The following PARVA variants were observed in gnomAD, a reference collection of about 807,000 sequenced individuals.
PARVA encodes the protein parvin alpha.
Under a neutral mutation model 52.6 loss-of-function variants are expected in PARVA, and 25 were observed. The ratio of observed to expected loss-of-function variants is 0.48; its 90% confidence interval spans 0.35 to 0.66. The LOEUF (loss-of-function observed/expected upper bound fraction) is 0.66, where lower values mean the gene tolerates loss of function less well. PARVA is among the 30% of genes least tolerant of loss of function. The pLI, the probability that PARVA is intolerant of heterozygous loss-of-function variation, is 0.01. For missense variants in PARVA, 373 were observed against 450.9 expected (o/e 0.83, Z 1.56); for synonymous variants, 185 against 179.1 (o/e 1.03, Z -0.26).
At chr11:12,468,982 T>A (rs139015779) in intron 1 of PARVA, among the ~76,000 whole-genome samples, 1 of 152,288 alleles carries the variant, frequency 6.6e-6, no homozygotes, top group African/African-American at 2.4e-5. Context: ...TCATCATGAT[T>A]CGTTTAAACC....
intron 1 of PARVA, among the ~76,000 whole-genome samples, chr11:12,400,423 G>T (rs940320175): frequency 1.3e-5 from 2 of 152,128 alleles, no homozygotes; most frequent in Non-Finnish European, 2.9e-5. Flanking sequence ...AGATTGGAGG[G>T]CAAGTCAATG....
At chr11:12,459,096 C>T (rs545944121) in intron 1 of PARVA, among the ~76,000 whole-genome samples, 7 of 152,256 alleles carry the variant, frequency 4.6e-5, no homozygotes, top group Admixed American at 2.0e-4. Context: ...TGAAGTTTTC[C>T]GGATGTTGGC....
intron 4 of PARVA, among the ~76,000 whole-genome samples, chr11:12,490,133 G>A (rs369068679): frequency 3.7e-4 from 56 of 150,720 alleles, no homozygotes; most frequent in Middle Eastern, 3.5e-3. Flanking sequence ...GGAGAATGGC[G>A]TGAACCAGGG....
chr11:12,463,948 C>T (rs1220819832), intron 1 of PARVA, among the ~76,000 whole-genome samples: 1 of 148,748 alleles, frequency 6.7e-6, no homozygotes, highest in African/African-American at 2.5e-5. Context: ...CTCTTTCAAT[C>T]AGCTCCTGTG....
intron 1 of PARVA, among the ~76,000 whole-genome samples, chr11:12,445,236 A>C (rs1940528398): frequency 6.6e-6 from 1 of 152,188 alleles, no homozygotes; most frequent in South Asian, 2.1e-4. Context: ...TGGGCTAAGT[A>C]TACTCTATCC....
chr11:12,460,346 C>T (rs1341163593), intron 1 of PARVA, among the ~76,000 whole-genome samples: 1 of 152,074 alleles, frequency 6.6e-6, no homozygotes, highest in Non-Finnish European at 1.5e-5. Context: ...CCTCTCTGGG[C>T]CTCATTTTCC....
chr11:12,386,334 A>T (rs1026912460), intron 1 of PARVA, among the ~76,000 whole-genome samples: 1 of 152,224 alleles, frequency 6.6e-6, no homozygotes, highest in Non-Finnish European at 1.5e-5. Flanking sequence ...TCACATGTTT[A>T]TGCCTTTACA....
intron 5 of PARVA, 139 bp downstream of exon 5, chr11:12,496,737 C>T (rs16911427): frequency 0.022 from 16,642 of 766,414 alleles, 585 homozygotes; most frequent in East Asian, 0.14. Flanking sequence ...CAAGTTGCCC[C>T]GCTTCCTCAG....
chr11:12,443,169 CTTTTTTTTTT>C (rs1180380526), intron 1 of PARVA, among the ~76,000 whole-genome samples: 1 of 78,328 alleles, frequency 1.3e-5, no homozygotes, highest in Non-Finnish European at 2.3e-5. Context: ...CGCCCCCCTT[CTTTTTTTTTT>C]TTTTTTTTTT....
chr11:12,470,427 C>A (rs1940917361), intron 1 of PARVA, among the ~76,000 whole-genome samples: 2 of 152,168 alleles, frequency 1.3e-5, no homozygotes, highest in South Asian at 4.1e-4. Context: ...TGCTGTCACT[C>A]CCATTTTGCA....
intron 1 of PARVA, among the ~76,000 whole-genome samples, chr11:12,382,850 T>C (rs1239613304): frequency 6.6e-6 from 1 of 152,248 alleles, no homozygotes; most frequent in East Asian, 1.9e-4. Flanking sequence ...ATGGAAGTTG[T>C]GAGGTTTAAA....
Position 12,486,465 on chromosome 11 carries a change from G to A in PARVA, c.400+8516G>A, listed in dbSNP as rs185075252. ...GGAGAATCGCTTGAACTCGGCAGGC[G>A]GAGGTTGCAGTGAGCCGAGATCACA... On this transcript the variant is annotated intron_variant, in intron 4 of 12. Transcript: ENST00000334956. Among the ~76,000 whole-genome samples the A allele has an allele frequency of 4.2e-3, 642 of 151,940 alleles. 3 individuals are homozygous for A. Among genetic ancestry groups the A allele is most frequent in the African/African-American group, 0.011 (464 of 41,440 alleles).
intron 1 of PARVA, among the ~76,000 whole-genome samples, chr11:12,447,807 C>A (rs1247228644): frequency 6.6e-5 from 10 of 152,136 alleles, no homozygotes; most frequent in Admixed American, 6.5e-4. Flanking sequence ...ATCAAAAAGA[C>A]CACTCCCAGT....
intron 5 of PARVA, among the ~76,000 whole-genome samples, chr11:12,503,821 C>T (rs910651822): frequency 6.6e-6 from 1 of 152,124 alleles, no homozygotes; most frequent in Non-Finnish European, 1.5e-5. Flanking sequence ...TATAAAGGGA[C>T]ATTGGGTGGA....
chr11:12,407,977 T>C (rs924495999), intron 1 of PARVA, among the ~76,000 whole-genome samples: 2 of 152,248 alleles, frequency 1.3e-5, no homozygotes, highest in African/African-American at 4.8e-5. Context: ...AGAGGAAGTA[T>C]AAATTCTTTA....
chr11:12,477,226 C>G (rs7123596), intron 3 of PARVA: 24,132 of 152,000 alleles, frequency 0.16, 2,227 homozygotes, highest in African/African-American at 0.25. Context: ...ACCCAAGTAG[C>G]TGGGATTACA....
intron 1 of PARVA, among the ~76,000 whole-genome samples, chr11:12,418,941 G>T (rs889746959): frequency 6.6e-6 from 1 of 152,082 alleles, no homozygotes; most frequent in Admixed American, 6.5e-5. Context: ...CCTCACAATG[G>T]TTTATGAGGT....
At chr11:12,505,949 G>A (rs550454812) in intron 6 of PARVA, among the ~76,000 whole-genome samples, 1 of 152,306 alleles carries the variant, frequency 6.6e-6, no homozygotes, top group South Asian at 2.1e-4. Context: ...TCCATAGAAT[G>A]GACAGCACCA....
intron 12 of PARVA, among the ~76,000 whole-genome samples, chr11:12,519,171 C>T (rs1941608482): frequency 6.6e-6 from 1 of 152,204 alleles, no homozygotes; most frequent in Non-Finnish European, 1.5e-5. Context: ...GGCAGGTCAC[C>T]ACTGTGTTGC....
Sources: allele counts gnomAD v4.1 joint callset (sites outside exome capture counted in the v4.1 genomes callset), GRCh38; gene constraint gnomAD v4.1.1; transcripts MANE v1.5; gene names NCBI Gene and HGNC (gene_info 2026-07-23, HGNC 2026-07-21).